The following RNF144A variants were observed in gnomAD, a reference collection of about 807,000 sequenced individuals.
RNF144A encodes the protein ring finger protein 144A.
Under a neutral mutation model 38.7 loss-of-function variants are expected in RNF144A, and 11 were observed. The observed-to-expected ratio is 0.28, with a 90% CI of 0.18 to 0.47. RNF144A has a LOEUF of 0.47. Ranked by LOEUF, RNF144A falls within the 20% of genes least tolerant of loss-of-function variation. The pLI, the probability that RNF144A is intolerant of heterozygous loss-of-function variation, is 0.99. For synonymous variants in RNF144A, 149 were observed against 143.9 expected (o/e 1.04, Z -0.25); for missense variants, 316 against 377.2 (o/e 0.84, Z 1.34).
intron 3 of RNF144A, among the ~76,000 whole-genome samples, chr2:7,012,614 G>T (rs1035272304): frequency 1.3e-5 from 2 of 152,174 alleles, no homozygotes; most frequent in Admixed American, 6.5e-5. Flanking sequence ...CTAGTAGTCC[G>T]CAGCGCCACT....
chr2:7,066,790 C>G (rs961724686), intron 6 of RNF144A, among the ~76,000 whole-genome samples: 3 of 152,152 alleles, frequency 2.0e-5, no homozygotes, highest in African/African-American at 7.2e-5. Context: ...TCCTGGCAGG[C>G]CTAGGAACCC....
chr2:6,990,574 C>T (rs1446965118), intron 2 of RNF144A, among the ~76,000 whole-genome samples: 1 of 145,082 alleles, frequency 6.9e-6, no homozygotes, highest in Non-Finnish European at 1.5e-5. Context: ...CACACACAAA[C>T]ACACACACAC....
intron 2 of RNF144A, among the ~76,000 whole-genome samples, chr2:6,969,740 T>C (rs1667880578): frequency 6.6e-6 from 1 of 152,180 alleles, no homozygotes; most frequent in Non-Finnish European, 1.5e-5. Context: ...CTTCCTTTCA[T>C]GCACAAAATT....
intron 7 of RNF144A, among the ~76,000 whole-genome samples, chr2:7,028,288 C>T (rs185057082): frequency 6.6e-6 from 1 of 152,298 alleles, no homozygotes; most frequent in East Asian, 1.9e-4. Flanking sequence ...GCCAGAGATG[C>T]TGGAAAGACA....
intron 3 of RNF144A, 113 bp from the exon 4 acceptor site, chr2:7,014,341 A>G (rs555543877): frequency 2.6e-6 from 2 of 779,082 alleles, no homozygotes; most frequent in African/African-American, 3.4e-5. Flanking sequence ...TACACAGTGA[A>G]AATATTAAAC....
intron 1 of RNF144A, among the ~76,000 whole-genome samples, chr2:6,921,056 A>G (rs1664508800): frequency 6.6e-6 from 1 of 152,218 alleles, no homozygotes; most frequent in African/African-American, 2.4e-5. Flanking sequence ...ACCAAGTACA[A>G]CCATTCGTAA....
intron 8 of RNF144A, among the ~76,000 whole-genome samples, chr2:7,036,285 C>T (rs1672672711): frequency 6.6e-6 from 1 of 152,222 alleles, no homozygotes. Flanking sequence ...TCCTTCTCTT[C>T]TGAGAAGTGA....
At chr2:6,978,113 C>G (rs1405283374) in intron 2 of RNF144A, among the ~76,000 whole-genome samples, 2 of 152,120 alleles carry the variant, frequency 1.3e-5, no homozygotes, top group African/African-American at 4.8e-5. Context: ...TGTGGGCACC[C>G]TCGTGAGGTA....
intron 3 of RNF144A, among the ~76,000 whole-genome samples, chr2:7,012,570 A>C (rs544717183): frequency 6.6e-6 from 1 of 152,306 alleles, no homozygotes; most frequent in African/African-American, 2.4e-5. Context: ...TGATCTGCCA[A>C]CTGTTCTGCT....
chr2:7,051,130 G>A (rs902894633), intron 6 of RNF144A, among the ~76,000 whole-genome samples: 89 of 152,334 alleles, frequency 5.8e-4, no homozygotes, highest in African/African-American at 2.1e-3. Flanking sequence ...ACCCCCTGCA[G>A]GAGAAGTCAG....
intron 7 of RNF144A, among the ~76,000 whole-genome samples, chr2:7,027,524 C>G (rs955561719): frequency 2.0e-5 from 3 of 152,218 alleles, no homozygotes; most frequent in African/African-American, 4.8e-5. Context: ...AGTCCCTGAT[C>G]TGTCAAACTC....
intron 6 of RNF144A, among the ~76,000 whole-genome samples, chr2:7,066,786 C>A (rs1234051501): frequency 1.3e-5 from 2 of 152,184 alleles, no homozygotes; most frequent in East Asian, 3.9e-4. Flanking sequence ...CACTTCCTGG[C>A]AGGCCTAGGA....
At chr2:6,984,523 C>T (rs563715259) in intron 2 of RNF144A, among the ~76,000 whole-genome samples, 5 of 152,082 alleles carry the variant, frequency 3.3e-5, no homozygotes, top group African/African-American at 4.8e-5. Context: ...AGGCTGGTCT[C>T]GAGCTCCTGA....
At chr2:7,061,528 C>A (rs889198458) in intron 6 of RNF144A, among the ~76,000 whole-genome samples, 2 of 152,114 alleles carry the variant, frequency 1.3e-5, no homozygotes, top group Non-Finnish European at 2.9e-5. Flanking sequence ...CTAAGGCTTT[C>A]TCAAAGATTT....
intron 6 of RNF144A, among the ~76,000 whole-genome samples, chr2:7,066,152 A>C (rs2103482621): frequency 6.6e-6 from 1 of 150,470 alleles, no homozygotes; most frequent in East Asian, 2.0e-4. Flanking sequence ...CAGTGGCCGG[A>C]TCTCGGCTCA....
chr2:7,043,720 C>T lies in RNF144A; in HGVS notation c.*3960C>T, dbSNP rs1009447199. 2.7e-5 allele frequency: 27 copies of T among 985,742 alleles called. No individual in the cohort carries two copies. Among genetic ancestry groups the T allele is most frequent in the Non-Finnish European group, 3.3e-5 (27 of 829,936 alleles). 61.1% of individuals were successfully genotyped at this position (985,742 alleles called of 1,614,324 possible). On this transcript the variant is annotated 3_prime_UTR_variant, in exon 9 of 9. Coordinates refer to ENST00000320892, the MANE Select transcript of RNF144A (RefSeq NM_014746.6). Reference sequence around the variant, plus strand: ...ATGCCGTCTTGATGTTTAAAAAACCCAGGGTCTCCACCCTTCCTTTGATTT... The same window carrying T: ...ATGCCGTCTTGATGTTTAAAAAACCTAGGGTCTCCACCCTTCCTTTGATTT...
Position 7,042,446 on chromosome 2 carries a change from T to G in RNF144A, c.*2686T>G. ...AAGCCCCAGAAGCATATGGCATGTG[T>G]TCACTAAGAGGCCTTTAATCCTGGG... On this transcript the variant is annotated 3_prime_UTR_variant, in exon 9 of 9. Coordinates refer to ENST00000320892, the MANE Select transcript of RNF144A (RefSeq NM_014746.6). 12 of 985,458 alleles carry G rather than the reference T, an allele frequency of 1.2e-5. No homozygotes were observed. Among genetic ancestry groups the G allele is most frequent in the Non-Finnish European group, 1.3e-5 (11 of 829,948 alleles). 61.0% of individuals were successfully genotyped at this position (985,458 alleles called of 1,614,324 possible).
chr2:7,017,203 G>A (rs184044464), intron 5 of RNF144A, among the ~76,000 whole-genome samples: 406 of 152,256 alleles, frequency 2.7e-3, no homozygotes, highest in African/African-American at 9.2e-3. Flanking sequence ...TGGAGGCTCA[G>A]CCCTCCCAGA....
chr2:7,073,440 T>C, the RNF144A span, among the ~76,000 whole-genome samples: 11 of 152,180 alleles, frequency 7.2e-5, no homozygotes, highest in South Asian at 2.1e-3. Flanking sequence ...ATATTTATCA[T>C]AGATTTACAC....
Sources: allele counts gnomAD v4.1 joint callset (sites outside exome capture counted in the v4.1 genomes callset), GRCh38; gene constraint gnomAD v4.1.1; transcripts MANE v1.5; gene names NCBI Gene and HGNC (gene_info 2026-07-23, HGNC 2026-07-21).